CSMD1: variants seen among roughly 807,000 people sequenced by gnomAD.
CSMD1 encodes CUB and sushi domain-containing protein 1.
CSMD1 carries 213 observed loss-of-function variants against 417.5 expected under a neutral mutation model. That is an observed-to-expected ratio of 0.51 (90% CI 0.46 to 0.57). CSMD1 has a LOEUF of 0.57. Among genes scored for constraint, CSMD1 ranks in the 20% least tolerant of loss-of-function variants. The pLI, the probability that CSMD1 is intolerant of heterozygous loss-of-function variation, is 0.00. For synonymous variants in CSMD1, 2,862 were observed against 1,736.8 expected (o/e 1.65, Z -16.11); for missense variants, 6,923 against 4,529.7 (o/e 1.53, Z -15.17).
intron 5 of CSMD1, among the ~76,000 whole-genome samples, chr8:3,840,276 G>C (rs1183047017): frequency 1.3e-5 from 2 of 152,126 alleles, no homozygotes; most frequent in African/African-American, 4.8e-5. Context: ...AGATGTTCAA[G>C]AATGGCAAAG....
chr8:3,452,488 C>G (rs1815805889), intron 12 of CSMD1, among the ~76,000 whole-genome samples: 1 of 152,096 alleles, frequency 6.6e-6, no homozygotes, highest in South Asian at 2.1e-4. Context: ...TGACATACAT[C>G]CCATCAATAC....
intron 2 of CSMD1, among the ~76,000 whole-genome samples, chr8:4,421,967 A>T (rs771826586): frequency 6.6e-6 from 1 of 152,046 alleles, no homozygotes; most frequent in Non-Finnish European, 1.5e-5. Flanking sequence ...AACATCAAAT[A>T]TTACTATGAA....
intron 3 of CSMD1, among the ~76,000 whole-genome samples, chr8:4,195,034 T>C (rs1449824983): frequency 6.6e-6 from 1 of 152,176 alleles, no homozygotes; most frequent in Non-Finnish European, 1.5e-5. Context: ...TTTCACTATC[T>C]ACAATTTAAA....
intron 3 of CSMD1, among the ~76,000 whole-genome samples, chr8:4,392,468 G>C (rs1286935410): frequency 6.6e-6 from 1 of 152,040 alleles, no homozygotes; most frequent in African/African-American, 2.4e-5. Context: ...TCAGTCCATT[G>C]GCATCAAACA....
intron 5 of CSMD1, among the ~76,000 whole-genome samples, chr8:3,969,020 G>T (rs901179449): frequency 6.6e-6 from 1 of 152,198 alleles, no homozygotes; most frequent in African/African-American, 2.4e-5. Flanking sequence ...GAAGGCCGAG[G>T]CAGGTGGATC....
chr8:4,757,055 A>T (rs1333891696), intron 1 of CSMD1, among the ~76,000 whole-genome samples: 1 of 152,272 alleles, frequency 6.6e-6, no homozygotes, highest in Non-Finnish European at 1.5e-5. Context: ...ATTGTGTTTA[A>T]GAAACTGAAA....
At chr8:4,142,687 G>A (rs934795186) in intron 3 of CSMD1, among the ~76,000 whole-genome samples, 2 of 151,090 alleles carry the variant, frequency 1.3e-5, no homozygotes, top group Non-Finnish European at 2.9e-5. Context: ...TGCAGTTATT[G>A]GGTGGCTGAG....
chr8:4,619,740 C>T (rs1177216400), intron 2 of CSMD1, among the ~76,000 whole-genome samples: 1 of 152,034 alleles, frequency 6.6e-6, no homozygotes, highest in Non-Finnish European at 1.5e-5. Context: ...TCTTTGTTTT[C>T]TGAAGAGGAA....
chr8:4,811,653 T>A (rs1452546134), intron 1 of CSMD1, among the ~76,000 whole-genome samples: 1 of 152,102 alleles, frequency 6.6e-6, no homozygotes, highest in African/African-American at 2.4e-5. Context: ...TAACTGGACT[T>A]TTTAAGTTGA....
chr8:4,285,817 G>A (rs568379246), intron 3 of CSMD1, among the ~76,000 whole-genome samples: 76 of 152,272 alleles, frequency 5.0e-4, no homozygotes, highest in South Asian at 3.1e-3. Flanking sequence ...TAATTTCACA[G>A]AAGATCATGT....
intron 8 of CSMD1, among the ~76,000 whole-genome samples, chr8:3,588,750 C>G (rs537400777): frequency 1.5e-5 from 2 of 129,914 alleles, no homozygotes; most frequent in South Asian, 4.9e-4. Flanking sequence ...AAACTAAAAC[C>G]CTTACGCACA....
chr8:4,541,192 T>C (rs1797367481), intron 2 of CSMD1, among the ~76,000 whole-genome samples: 1 of 152,080 alleles, frequency 6.6e-6, no homozygotes, highest in East Asian at 1.9e-4. Context: ...TCCAGCTGCA[T>C]CTAGGGACTG....
chr8:4,421,402 G>T (rs184070871), intron 2 of CSMD1, among the ~76,000 whole-genome samples: 2 of 151,946 alleles, frequency 1.3e-5, no homozygotes, highest in Non-Finnish European at 2.9e-5. Context: ...GGTGCCCACA[G>T]AACATATACC....
At chr8:3,807,398 C>T (rs924931541) in intron 5 of CSMD1, among the ~76,000 whole-genome samples, 2 of 151,120 alleles carry the variant, frequency 1.3e-5, no homozygotes, top group African/African-American at 4.8e-5. Flanking sequence ...AAATTCAATA[C>T]TGTATTCAGC....
intron 59 of CSMD1, among the ~76,000 whole-genome samples, chr8:2,964,823 A>AGG (rs140616530): frequency 0.025 from 3,767 of 152,300 alleles, 66 homozygotes; most frequent in Non-Finnish European, 0.04. Context: ...GAAGAGAGAG[A>AGG]AAGCCATATT....
At chr8:3,768,729 G>T (rs745469003) in intron 5 of CSMD1, among the ~76,000 whole-genome samples, 2 of 152,114 alleles carry the variant, frequency 1.3e-5, no homozygotes, top group African/African-American at 2.4e-5. Flanking sequence ...TTATTAACAC[G>T]CAAACCAAAC....
At chr8:3,003,770 T>G (rs1052038345) in intron 52 of CSMD1, among the ~76,000 whole-genome samples, 4 of 152,160 alleles carry the variant, frequency 2.6e-5, no homozygotes, top group Admixed American at 1.3e-4. Flanking sequence ...GGACCAGGAC[T>G]CCTGGTGAAA....
intron 5 of CSMD1, among the ~76,000 whole-genome samples, chr8:3,877,102 T>C (rs1805874537): frequency 6.6e-6 from 1 of 152,214 alleles, no homozygotes; most frequent in South Asian, 2.1e-4. Context: ...CAGCCTGAAG[T>C]AGTGCAACTC....
chr8:3,904,488 A>G (rs910844549), intron 5 of CSMD1, among the ~76,000 whole-genome samples: 11 of 152,318 alleles, frequency 7.2e-5, no homozygotes, highest in African/African-American at 2.6e-4. Context: ...TGGTTGTTCT[A>G]CGGTGCGGCT....
Sources: allele counts gnomAD v4.1 joint callset (sites outside exome capture counted in the v4.1 genomes callset), GRCh38; gene constraint gnomAD v4.1.1; transcripts MANE v1.5; gene names NCBI Gene and HGNC (gene_info 2026-07-23, HGNC 2026-07-21).